The following SLCO1B3 variants were observed in gnomAD, a reference collection of about 807,000 sequenced individuals.
The protein encoded by SLCO1B3 is solute carrier organic anion transporter family member 1B3.
Under a neutral mutation model 71.8 loss-of-function variants are expected in SLCO1B3, and 72 were observed. The observed-to-expected ratio is 1.00, with a 90% CI of 0.83 to 1.22. The LOEUF (loss-of-function observed/expected upper bound fraction) is 1.22. SLCO1B3 is among the 50% of genes most tolerant of loss of function. The pLI is 0.00. For missense variants in SLCO1B3, 911 were observed against 819.7 expected (o/e 1.11, Z -1.36); for synonymous variants, 298 against 278.4 (o/e 1.07, Z -0.70).
intron 13 of SLCO1B3, among the ~76,000 whole-genome samples, chr12:20,887,904 T>A (rs1343603051): frequency 1.3e-5 from 2 of 151,928 alleles, no homozygotes; most frequent in African/African-American, 4.8e-5. Context: ...TTTTTATATA[T>A]GGTGAGAGAT....
chr12:20,819,961 A>G (rs1321448395), intron 3 of SLCO1B3, among the ~76,000 whole-genome samples: 2 of 152,108 alleles, frequency 1.3e-5, no homozygotes, highest in Non-Finnish European at 2.9e-5. Context: ...GAAGCAGATA[A>G]TTTGGTTAAA....
chr12:20,855,468 T>C (rs1865115275), intron 4 of SLCO1B3, among the ~76,000 whole-genome samples: 1 of 152,070 alleles, frequency 6.6e-6, no homozygotes, highest in South Asian at 2.1e-4. Context: ...AAAACTCTGG[T>C]CCTACACAAA....
At chr12:20,840,518 T>C (rs1317588070) in intron 3 of SLCO1B3, among the ~76,000 whole-genome samples, 1 of 151,886 alleles carries the variant, frequency 6.6e-6, no homozygotes, top group East Asian at 1.9e-4. Context: ...AGCCTCCCAG[T>C]AGCTGAGATT....
intron 3 of SLCO1B3, among the ~76,000 whole-genome samples, chr12:20,845,417 A>G (rs1374854598): frequency 6.6e-6 from 1 of 152,140 alleles, no homozygotes; most frequent in Admixed American, 6.5e-5. Flanking sequence ...CCTACTTTGA[A>G]CTGAGTAAGA....
intron 13 of SLCO1B3, 124 bp downstream of exon 13, chr12:20,883,726 C>A: frequency 1.6e-6 from 1 of 618,606 alleles, no homozygotes; most frequent in East Asian, 3.2e-5. Flanking sequence ...TTTGAGAATG[C>A]ATTTTCTTAG....
At chr12:20,901,920 A>T in intron 15 of SLCO1B3, 1 of 438,040 alleles carries the variant, frequency 2.3e-6, no homozygotes, top group Non-Finnish European at 4.5e-6. Flanking sequence ...CCTGCAAGTG[A>T]CATTAAGACA....
chr12:20,891,728 C>T (rs963888946), intron 13 of SLCO1B3, among the ~76,000 whole-genome samples: 1 of 151,972 alleles, frequency 6.6e-6, no homozygotes, highest in African/African-American at 2.4e-5. Flanking sequence ...TTTCAATTTA[C>T]TTTTCTATGT....
chr12:20,833,103 C>T (rs1312689284), intron 3 of SLCO1B3, among the ~76,000 whole-genome samples: 1 of 152,160 alleles, frequency 6.6e-6, no homozygotes, highest in Non-Finnish European at 1.5e-5. Flanking sequence ...AATTCCTTGG[C>T]TCATGGCCCT....
intron 15 of SLCO1B3, chr12:20,901,765 G>C (rs1468316330): frequency 3.1e-6 from 1 of 318,128 alleles, no homozygotes; most frequent in African/African-American, 2.3e-5. Context: ...ATTTGTACTT[G>C]AATCTCTTTT....
chr12:20,847,733 C>G (rs561342948), intron 3 of SLCO1B3, among the ~76,000 whole-genome samples: 1 of 151,198 alleles, frequency 6.6e-6, no homozygotes, highest in African/African-American at 2.4e-5. Context: ...GTGAACAAAA[C>G]CTAAGGACCT....
chr12:20,888,430 T>C (rs77827660), intron 13 of SLCO1B3, among the ~76,000 whole-genome samples: 1,763 of 152,018 alleles, frequency 0.012, 29 homozygotes, highest in African/African-American at 0.04. Flanking sequence ...AGTTTAAATG[T>C]ATTACTATTT....
chr12:20,879,506 G>A lies in SLCO1B3; in HGVS notation c.1206G>A (p.Leu402=), dbSNP rs756345861. 10 of 1,610,908 alleles carry A rather than the reference G, an allele frequency of 6.2e-6. No individual in the cohort carries two copies. The highest frequency in any genetic ancestry group is 8.5e-6 in the Non-Finnish European group (10 of 1,177,498). The change falls in exon 11 of 16, where the codon TTG becomes TTA. Residue 402 remains leucine (L), a synonymous_variant. Coordinates refer to ENST00000381545, the MANE Select transcript of SLCO1B3 (RefSeq NM_019844.4). The part of the protein sequence containing the change: ...LGGFIIKKFK[L]SLVGIAKFSF... ...GATTTATCATTAAAAAATTCAAATT[G>A]TCTTTAGTTGGAATTGCCAAATTTT...
At chr12:20,909,468 C>T (rs1015632569) in intron 15 of SLCO1B3, among the ~76,000 whole-genome samples, 1 of 151,818 alleles carries the variant, frequency 6.6e-6, no homozygotes, top group Non-Finnish European at 1.5e-5. Flanking sequence ...CCACCACACC[C>T]GGTCATGAAG....
intron 8 of SLCO1B3, among the ~76,000 whole-genome samples, chr12:20,873,340 A>ATGTTGT (rs928174553): frequency 3.5e-5 from 4 of 115,408 alleles, no homozygotes; most frequent in Non-Finnish European, 6.2e-5. Context: ...AAGAGCTGAG[A>ATGTTGT]TGTTGTTGTT....
At chr12:20,883,879 T>C (rs966571862) in intron 13 of SLCO1B3, among the ~76,000 whole-genome samples, 2 of 152,208 alleles carry the variant, frequency 1.3e-5, no homozygotes. Flanking sequence ...TGTAGGAGAA[T>C]CTTTGTGTGA....
chr12:20,847,884 A>C (rs927762726), intron 3 of SLCO1B3, among the ~76,000 whole-genome samples: 4 of 152,074 alleles, frequency 2.6e-5, no homozygotes, highest in African/African-American at 9.7e-5. Context: ...AAATCTCAAT[A>C]GCCTAGAAGC....
Position 20,879,239 on chromosome 12 carries a change from C to T in SLCO1B3, c.1136-197C>T, listed in dbSNP as rs4149141. Among the ~76,000 whole-genome samples, 32,153 of 119,834 alleles carry T rather than the reference C, an allele frequency of 0.27. 5,366 individuals carry two copies. Among genetic ancestry groups the T allele is most frequent in the African/African-American group, 0.49 (16,368 of 33,456 alleles). 78.6% of individuals were successfully genotyped at this position (119,834 alleles called of 152,430 possible). On this transcript the variant is annotated intron_variant, in intron 10 of 15. Transcript: ENST00000381545. ...TTTTTTTTTTTTTGAGATGGAGTCT[C>T]GCTCTGTTGCCCAGGCTGGGGTGCA...
rs549160489 is a variant in SLCO1B3, at chr12:20,888,514, G to T, written c.1682+4912G>T. 3.9e-5 allele frequency among the ~76,000 whole-genome samples: 6 copies of T among 151,948 alleles called. No homozygotes were observed. In the South Asian group the frequency reaches 8.3e-4, roughly 21 times the overall value. The stretch of plus-strand genomic sequence containing the variant: ...TGATCATTATTGTTGTATGGAAATG[G>T]TACTTATTTTTGTACATTGGTTTTG... On this transcript the variant is annotated intron_variant, in intron 13 of 15. Transcript: ENST00000381545.
At chr12:20,854,316 T>TTATTAG (rs1225634440) in intron 3 of SLCO1B3, among the ~76,000 whole-genome samples, 1 of 151,828 alleles carries the variant, frequency 6.6e-6, no homozygotes, top group African/African-American at 2.4e-5. Flanking sequence ...ATTATTATTA[T>TTATTAG]TATGTTACTG....
Sources: gnomAD v4.1 joint callset for allele counts (sites outside exome capture counted in the v4.1 genomes callset) on GRCh38, gnomAD v4.1.1 for gene constraint, MANE v1.5 for transcripts, NCBI Gene and HGNC (gene_info 2026-07-23, HGNC 2026-07-21) for gene names.